The following ALS2 variants were observed in gnomAD, a reference collection of about 807,000 sequenced individuals.
ALS2 encodes the protein alsin.
Under a neutral mutation model 203.4 loss-of-function variants are expected in ALS2, and 117 were observed. The observed-to-expected ratio is 0.58, with a 90% confidence interval of 0.50 to 0.67. The LOEUF (loss-of-function observed/expected upper bound fraction) is 0.67. Among genes scored for constraint, ALS2 ranks in the 30% least tolerant of loss-of-function variants. ALS2 has a pLI of 0.00. For synonymous variants in ALS2, 718 were observed against 725.9 expected (o/e 0.99, Z 0.17); for missense variants, 1,715 against 1,989.4 (o/e 0.86, Z 2.62).
intron 3 of ALS2, among the ~76,000 whole-genome samples, chr2:201,762,162 AAAAT>A (rs1311602055): frequency 6.6e-6 from 1 of 152,232 alleles, no homozygotes; most frequent in African/African-American, 2.4e-5. Flanking sequence ...GTTCAAAGGC[AAAAT>A]AAATAACCAT....
chr2:201,777,520 C>T (rs1199570773), intron 1 of ALS2, among the ~76,000 whole-genome samples: 2 of 152,108 alleles, frequency 1.3e-5, no homozygotes, highest in African/African-American at 4.8e-5. Context: ...CTTAACTATA[C>T]ATAAAACTGT....
intron 6 of ALS2, among the ~76,000 whole-genome samples, chr2:201,754,177 T>G (rs1693244831): frequency 6.6e-6 from 1 of 152,102 alleles, no homozygotes; most frequent in Admixed American, 6.6e-5. Flanking sequence ...CATGCCCAGC[T>G]AATTTTTGTA....
At chr2:201,720,857 G>T (rs1417385743) in intron 23 of ALS2, among the ~76,000 whole-genome samples, 1 of 151,962 alleles carries the variant, frequency 6.6e-6, no homozygotes, top group African/African-American at 2.4e-5. Flanking sequence ...ACAAGAAAAA[G>T]AAATAAAAGC....
rs1690913221 is a variant in ALS2 at position 201,723,084 on chromosome 2, A to G, written c.3661T>C (p.Tyr1221His). 1 of 1,613,760 alleles carries G rather than the reference A, an allele frequency of 6.2e-7. No homozygotes were observed. The highest frequency in any genetic ancestry group is 1.7e-5 in the Admixed American group (1 of 60,014). The change falls in exon 23 of 34, where the codon TAT becomes CAT. Residue 1221 changes from tyrosine to histidine, a missense_variant. Physicochemically the swap from Tyr to His is moderately conservative, Grantham distance 83. Transcript: ENST00000264276. ...CAGTCATCTGAAAATTCTCCTTCAT[A>G]GATAGTATCATCTTCGGAAAGCAAA... ...GVLLSEDDTI[Y>H]EGEFSDDWTL...
chr2:201,725,892 A>G (rs1243225920), intron 19 of ALS2, among the ~76,000 whole-genome samples: 1 of 152,246 alleles, frequency 6.6e-6, no homozygotes, highest in Non-Finnish European at 1.5e-5. Flanking sequence ...TTACATGATC[A>G]CACAGACACA....
Position 201,760,957 on chromosome 2 carries a change from T to TTGA in ALS2, c.1034_1036dup (p.Val345_Asn346insIle). 1 of 1,614,218 alleles carries TTGA rather than the reference T, an allele frequency of 6.2e-7. No individual in the cohort carries two copies. Among genetic ancestry groups the TTGA allele is most frequent in the East Asian group, 2.2e-5 (1 of 44,884 alleles). ...ATCTGACAGTTTCCGTAGGTATTCA[T>TTGA]TGACTGCTTGGGTGTCAGGGTATGA... On this transcript the variant is annotated inframe_insertion, in exon 4 of 34. Coordinates refer to ENST00000264276, the MANE Select transcript of ALS2 (RefSeq NM_020919.4).
intron 11 of ALS2, chr2:201,741,309 T>C: frequency 4.4e-6 from 1 of 225,560 alleles, no homozygotes; most frequent in Non-Finnish European, 9.1e-6. Context: ...CAATCAGCAG[T>C]TGGTCTTGAA....
At chr2:201,714,839 A>T (rs1275482201) in intron 25 of ALS2, among the ~76,000 whole-genome samples, 1 of 152,212 alleles carries the variant, frequency 6.6e-6, no homozygotes, top group Non-Finnish European at 1.5e-5. Flanking sequence ...GTGCAGGTCT[A>T]GGGTGAGCCC....
intron 5 of ALS2, among the ~76,000 whole-genome samples, chr2:201,757,090 C>T (rs1693446666): frequency 6.6e-6 from 1 of 152,194 alleles, no homozygotes; most frequent in Non-Finnish European, 1.5e-5. Context: ...TCTCCAACCT[C>T]ATCGATCTGG....
chr2:201,719,297 A>T (rs186095620), intron 23 of ALS2, among the ~76,000 whole-genome samples: 1 of 152,254 alleles, frequency 6.6e-6, no homozygotes, highest in East Asian at 1.9e-4. Context: ...GTGCCTTAGA[A>T]AAGGGCCAGA....
At chr2:201,725,520 T>C (rs1691113284) in intron 19 of ALS2, 66 bp from the exon 20 acceptor site, 25 of 1,265,314 alleles carry the variant, frequency 2.0e-5, no homozygotes, top group Non-Finnish European at 2.8e-5. Flanking sequence ...TTTGTATGTA[T>C]ATCCTGGTAA....
chr2:201,734,296 G>A (rs1331542728), intron 12 of ALS2, among the ~76,000 whole-genome samples: 2 of 152,064 alleles, frequency 1.3e-5, no homozygotes, highest in Non-Finnish European at 2.9e-5. Flanking sequence ...GCAACATAAT[G>A]AAACCCTGTC....
In ALS2 at chr2:201,727,113, T is replaced by A. The variant is rs1691225753; in HGVS notation, c.2979+99A>T. 4.9e-5 allele frequency: 56 copies of A among 1,150,864 alleles called. 3 individuals are homozygous for A. In the South Asian group the frequency reaches 6.8e-4, roughly 14 times the overall value. The allele number at this position is 1,150,864 out of a possible 1,614,324, so 71.3% of individuals were successfully genotyped here. A position where few individuals can be genotyped will look rare whatever the true frequency, so the allele number is the denominator to read the frequency against. ...AAGATTTATCAGACAGAACTGTGCA[T>A]CATTAGTCAAGCAAGAACAATTTAT... is the stretch of plus-strand genomic sequence containing the variant. On this transcript the variant is annotated intron_variant, in intron 17 of 33. Transcript: ENST00000264276.
chr2:201,761,193 C>A lies in ALS2; in HGVS notation c.801G>T (p.Gln267His), dbSNP rs763600658. The A allele has an allele frequency of 6.2e-7, 1 of 1,614,150 alleles. No homozygotes were observed. Among genetic ancestry groups the A allele is most frequent in the Non-Finnish European group, 8.5e-7 (1 of 1,180,036 alleles). ...CPLGVTLTES[Q>H]AENHASTALS... Reference sequence around the variant, plus strand: ...GAGCAGTGCTGGCATGGTTTTCTGCCTGAGATTCTGTCAGTGTCACACCTA... The same window carrying A: ...GAGCAGTGCTGGCATGGTTTTCTGCATGAGATTCTGTCAGTGTCACACCTA... The change falls in exon 4 of 34, where the codon CAG becomes CAT. Residue 267 changes from glutamine to histidine, a missense_variant. By Grantham distance (24) the Gln-to-His change is conservative. Around this residue, in one of 3 missense-constraint regions of ALS2, gnomAD observed 476 missense variants for 539.3 expected, o/e 0.88. Transcript: ENST00000264276.
intron 29 of ALS2, among the ~76,000 whole-genome samples, chr2:201,706,553 AT>A (rs397987343): frequency 8.8e-5 from 13 of 147,790 alleles, no homozygotes; most frequent in Non-Finnish European, 1.5e-4. Flanking sequence ...ATATATATAT[AT>A]AACTATACAT....
chr2:201,726,713 T>C lies in ALS2; in HGVS notation c.3133A>G (p.Lys1045Glu). 6.2e-7 allele frequency: 1 copy of C among 1,614,196 alleles called. No homozygotes were observed. The highest frequency in any genetic ancestry group is 8.5e-7 in the Non-Finnish European group (1 of 1,180,036). ...KYTFYKDPRL[K>E]DATYDGRWLS... The stretch of plus-strand genomic sequence containing the variant: ...CAGCGTCCATCATAGGTGGCATCCT[T>C]TAGGCGAGGATCCTTGTAGAAAGTA... Residue 1045 changes from lysine (K) to glutamate (E), a missense_variant, in exon 18 of 34, where the codon AAG (lysine) becomes GAG (glutamate). By Grantham distance (56) the Lys-to-Glu change is moderately conservative (BLOSUM62 1). This residue lies in a region of ALS2 where 1,227 missense variants were observed against 1,413.5 expected (regional missense o/e 0.87). Transcript: ENST00000264276.
At chr2:201,718,950 A>T (rs1443839205) in intron 23 of ALS2, among the ~76,000 whole-genome samples, 2 of 152,200 alleles carry the variant, frequency 1.3e-5, no homozygotes, top group East Asian at 3.8e-4. Flanking sequence ...AAGAGGAGGG[A>T]AATGATAAAG....
At chr2:201,723,927 G>A (rs1690982588) in intron 21 of ALS2, among the ~76,000 whole-genome samples, 1 of 152,096 alleles carries the variant, frequency 6.6e-6, no homozygotes, top group African/African-American at 2.4e-5. Flanking sequence ...GACCAGCCTG[G>A]ACAATATGGC....
intron 23 of ALS2, among the ~76,000 whole-genome samples, chr2:201,719,796 A>G (rs1266357135): frequency 6.6e-6 from 1 of 152,186 alleles, no homozygotes; most frequent in Admixed American, 6.5e-5. Flanking sequence ...TTGTTAAAGC[A>G]TCACAAACAT....
Sources: allele counts gnomAD v4.1 joint callset (sites outside exome capture counted in the v4.1 genomes callset), GRCh38; gene constraint gnomAD v4.1.1; regional missense constraint gnomAD v4.1.1; transcripts MANE v1.5; gene names NCBI Gene and HGNC (gene_info 2026-07-23, HGNC 2026-07-21).